Variants in ZFYVE1 observed in about 807,000 individuals in gnomAD.
ZFYVE1 encodes zinc finger FYVE domain-containing protein 1.
Under a neutral mutation model 74.4 loss-of-function variants are expected in ZFYVE1, and 30 were observed. The ratio of observed to expected loss-of-function variants is 0.40; its 90% CI spans 0.30 to 0.55. ZFYVE1 has a LOEUF of 0.55. Ranked by LOEUF, ZFYVE1 falls within the 20% of genes least tolerant of loss-of-function variation. The pLI is 0.42. For synonymous variants in ZFYVE1, 335 were observed against 385.1 expected, an observed-to-expected ratio of 0.87 and a Z score of 1.52; for missense variants, 703 against 1,011.6, an observed-to-expected ratio of 0.69 and a Z score of 4.14.
intron 2 of ZFYVE1, 57 bp from the exon 3 acceptor site, chr14:72,998,372 A>G (rs963234781): frequency 2.1e-6 from 3 of 1,425,772 alleles, no homozygotes; most frequent in African/African-American, 2.8e-5. Flanking sequence ...CACTAGAAAC[A>G]CCTACAAGAA....
At chr14:72,977,123 T>C (rs1008722657) in intron 8 of ZFYVE1, among the ~76,000 whole-genome samples, 2 of 152,120 alleles carry the variant, frequency 1.3e-5, no homozygotes, top group African/African-American at 4.8e-5. Context: ...AAAATAATCA[T>C]TAAACTGGGC....
chr14:72,997,762 T>C (rs562469667), intron 3 of ZFYVE1, 49 bp downstream of exon 3: 16 of 1,528,516 alleles, frequency 1.0e-5, no homozygotes, highest in Admixed American at 6.3e-5. Context: ...AATAGCTGCC[T>C]CCTTGTACCC....
Position 72,970,372 on chromosome 14 carries a change from C to T in ZFYVE1, c.*510G>A. 2 of 168,718 alleles carry T rather than the reference C, an allele frequency of 1.2e-5. No homozygotes were observed. The highest frequency in any genetic ancestry group is 2.8e-4 in the South Asian group (2 of 7,248). The allele number at this position is 168,718 out of a possible 1,614,324, so 10.5% of individuals were successfully genotyped here. On this transcript the variant is annotated 3_prime_UTR_variant, in exon 12 of 12. Coordinates refer to ENST00000556143, the MANE Select transcript of ZFYVE1 (RefSeq NM_021260.4). ...GGAAGGACCAGGGAGGCTCACTCCCCAGGCAGCTGACAGGCATGGAGGGAA... is the reference window on the plus strand; with the variant it reads ...GGAAGGACCAGGGAGGCTCACTCCCTAGGCAGCTGACAGGCATGGAGGGAA...
intron 6 of ZFYVE1, 125 bp from the exon 7 acceptor site, chr14:72,978,359 G>A: frequency 2.4e-6 from 2 of 838,712 alleles, no homozygotes; most frequent in South Asian, 3.3e-5. Flanking sequence ...CCGATCTCAG[G>A]AGTTCGAGAT....
At chr14:73,023,508 T>C (rs1397148314) in intron 2 of ZFYVE1, among the ~76,000 whole-genome samples, 1 of 148,328 alleles carries the variant, frequency 6.7e-6, no homozygotes, top group Non-Finnish European at 1.5e-5. Context: ...ATTGTCCTTA[T>C]TAAAAGCCAC....
At chr14:72,996,201 T>C (rs1893745033) in intron 3 of ZFYVE1, among the ~76,000 whole-genome samples, 1 of 152,122 alleles carries the variant, frequency 6.6e-6, no homozygotes, top group African/African-American at 2.4e-5. Flanking sequence ...GTTAAAGTGA[T>C]GGCACTACAT....
Position 73,024,805 on chromosome 14 carries a change from GCTAT to G in ZFYVE1, c.-301_-298del, listed in dbSNP as rs1247919763. On this transcript the variant is annotated 5_prime_UTR_variant, in exon 2 of 12. Transcript: ENST00000556143. ...AATTGACTTGGAAGGGTCTTTTATG[GCTAT>G]CTGAGAGAGGTCTGATGGGTTCACG... 6.4e-6 allele frequency: 2 copies of G among 313,846 alleles called. No homozygotes were observed. Among genetic ancestry groups the G allele is most frequent in the East Asian group, 6.7e-5 (1 of 14,882 alleles). 19.4% of individuals were successfully genotyped at this position (313,846 alleles called of 1,614,324 possible).
intron 4 of ZFYVE1, among the ~76,000 whole-genome samples, chr14:72,990,689 C>CTTTATT (rs1893588389): frequency 1.5e-5 from 1 of 66,682 alleles, no homozygotes; most frequent in Non-Finnish European, 2.8e-5. Flanking sequence ...CGCACCTGGC[C>CTTTATT]TTTTTTTTTT....
chr14:72,993,184 G>A lies in ZFYVE1; in HGVS notation c.1162C>T (p.Arg388Cys). Residue 388 changes from arginine (R) to cysteine (C), a missense_variant, in exon 4 of 12, where the codon CGT becomes TGT. Arg to Cys is a radical substitution (Grantham distance 180, BLOSUM62 -3). Transcript: ENST00000556143. ...LEQLLENNTT[R>C]SPRHPGVIFK... ...ATGACTCCCGGGTGCCGGGGAGAACGGGTGGTGTTATTCTCTAGTAGCTGC... is the reference window on the plus strand; with the variant it reads ...ATGACTCCCGGGTGCCGGGGAGAACAGGTGGTGTTATTCTCTAGTAGCTGC... The A allele has an allele frequency of 1.2e-6, 2 of 1,613,284 alleles. No individual in the cohort carries two copies. Among genetic ancestry groups the A allele is most frequent in the Non-Finnish European group, 1.7e-6 (2 of 1,179,568 alleles).
chr14:72,977,834 A>T, intron 8 of ZFYVE1, 93 bp downstream of exon 8: 1 of 1,322,568 alleles, frequency 7.6e-7, no homozygotes, highest in Non-Finnish European at 1.1e-6. Flanking sequence ...ATTCATGGTT[A>T]ACCTTAATTT....
At chr14:72,982,708 C>T (rs1893366839) in intron 4 of ZFYVE1, among the ~76,000 whole-genome samples, 1 of 152,188 alleles carries the variant, frequency 6.6e-6, no homozygotes, top group African/African-American at 2.4e-5. Flanking sequence ...AGAAGCCAGG[C>T]ATTATCCAAG....
intron 5 of ZFYVE1, 125 bp downstream of exon 5, chr14:72,981,664 A>T: frequency 2.2e-6 from 2 of 891,524 alleles, no homozygotes; most frequent in Non-Finnish European, 3.6e-6. Flanking sequence ...TGGATAATTT[A>T]AATCAGAACC....
At position 72,978,207 on chromosome 14, in the gene ZFYVE1, T is replaced by G; in HGVS notation, c.1447A>C (p.Ser483Arg). Reference sequence around the variant, plus strand: ...GAAGCAGATGTTTTGGGCACTACACTGACTTCCTCGCCTCTCTCATAGCAG... The same window carrying G: ...GAAGCAGATGTTTTGGGCACTACACGGACTTCCTCGCCTCTCTCATAGCAG... The part of the protein sequence containing the change: ...KACYERGEEV[S>R]VVPKTSASTD... Residue 483 changes from serine (S) to arginine (R), a missense_variant, in exon 7 of 12, where the codon AGT becomes CGT. Around this residue, in one of 2 missense-constraint regions of ZFYVE1, gnomAD observed 492 missense variants for 790.0 expected, o/e 0.62. Coordinates refer to ENST00000556143, the MANE Select transcript of ZFYVE1 (RefSeq NM_021260.4). 5 of 1,614,176 alleles carry G rather than the reference T, an allele frequency of 3.1e-6. No individual in the cohort carries two copies. The highest frequency in any genetic ancestry group is 4.2e-6 in the Non-Finnish European group (5 of 1,180,010).
At chr14:72,993,056 A>G in intron 4 of ZFYVE1, 87 bp downstream of exon 4, 1 of 1,326,962 alleles carries the variant, frequency 7.5e-7, no homozygotes, top group Non-Finnish European at 1.0e-6. Flanking sequence ...ATTTCCAATC[A>G]CCAGCACCAC....
At chr14:73,019,302 C>T (rs1383872444) in intron 2 of ZFYVE1, among the ~76,000 whole-genome samples, 2 of 152,032 alleles carry the variant, frequency 1.3e-5, no homozygotes, top group East Asian at 1.9e-4. Context: ...ATCTATGGGC[C>T]GGGCACAGTG....
chr14:72,972,617 C>A (rs1893062633), intron 11 of ZFYVE1, among the ~76,000 whole-genome samples: 1 of 152,186 alleles, frequency 6.6e-6, no homozygotes, highest in South Asian at 2.1e-4. Flanking sequence ...CGTAAGCCTG[C>A]CAAGCACTGG....
chr14:72,983,995 A>G (rs554930329), intron 4 of ZFYVE1, among the ~76,000 whole-genome samples: 3 of 152,306 alleles, frequency 2.0e-5, no homozygotes, highest in African/African-American at 7.2e-5. Context: ...GGCACGTAAT[A>G]TCAATGTTGA....
Position 72,999,641 on chromosome 14 carries a change from A to G in ZFYVE1, c.484-1326T>C, listed in dbSNP as rs76874408. On this transcript the variant is annotated intron_variant, in intron 2 of 11. Transcript: ENST00000556143. ...AAAACATTTGTAGATCAAATATCTG[A>G]TAAGGAGCCAGGCATGGTGGCATCC... 3.0e-3 allele frequency among the ~76,000 whole-genome samples: 458 copies of G among 152,348 alleles called. 2 individuals carry two copies. The highest frequency in any genetic ancestry group is 0.011 in the African/African-American group (441 of 41,590).
Position 72,975,902 on chromosome 14 carries a change from A to C in ZFYVE1, c.1636-181T>G. On this transcript the variant is annotated intron_variant, in intron 8 of 11. Coordinates refer to ENST00000556143, the MANE Select transcript of ZFYVE1 (RefSeq NM_021260.4). This position sits in a 1 kb window ranked among gnomAD's most constrained non-coding sequence, Gnocchi z 4.1. ...CTTTATTCTCTTCAAAGTGACCATA[A>C]GACTTGATGTGTAGCTGTTCAATTC... 1.5e-6 allele frequency: 1 copy of C among 663,114 alleles called. No homozygotes were observed. Among genetic ancestry groups the C allele is most frequent in the Non-Finnish European group, 2.5e-6 (1 of 398,774 alleles). 41.1% of individuals were successfully genotyped at this position (663,114 alleles called of 1,614,324 possible). A position where few individuals can be genotyped will look rare whatever the true frequency, so the allele number is the denominator to read the frequency against.
Sources: gnomAD v4.1 joint callset for allele counts (sites outside exome capture counted in the v4.1 genomes callset) on GRCh38, gnomAD v4.1.1 for gene constraint, gnomAD v4.1.1 regional missense constraint, Gnocchi (gnomAD v3.1) non-coding constraint, MANE v1.5 for transcripts, NCBI Gene and HGNC (gene_info 2026-07-23, HGNC 2026-07-21) for gene names.